UBAP1: variants seen among roughly 807,000 people sequenced by gnomAD.
UBAP1 encodes ubiquitin-associated protein 1.
Under a neutral mutation model 39.0 loss-of-function variants are expected in UBAP1, and 5 were observed. The observed-to-expected ratio is 0.13, with a 90% CI of 0.07 to 0.27. The LOEUF is 0.27. Among genes scored for constraint, UBAP1 ranks in the 10% least tolerant of loss-of-function variants. The pLI, the probability that UBAP1 is intolerant of heterozygous loss-of-function variation, is 1.00. For synonymous variants in UBAP1, 211 were observed against 225.1 expected (o/e 0.94, Z 0.56); for missense variants, 490 against 608.1 (o/e 0.81, Z 2.04).
At chr9:34,246,507 G>A (rs1437092867) in intron 4 of UBAP1, among the ~76,000 whole-genome samples, 6 of 152,222 alleles carry the variant, frequency 3.9e-5, no homozygotes, top group Non-Finnish European at 5.9e-5. Context: ...ACCAGTAAGT[G>A]TAAAGCCAAG....
intron 2 of UBAP1, among the ~76,000 whole-genome samples, chr9:34,221,542 A>G (rs943482039): frequency 2.0e-5 from 3 of 151,500 alleles, no homozygotes; most frequent in South Asian, 2.1e-4. Context: ...AAAAAAAAAA[A>G]AAGGTATAGT....
intron 3 of UBAP1, among the ~76,000 whole-genome samples, chr9:34,235,772 G>C (rs1833668036): frequency 6.6e-6 from 1 of 151,504 alleles, no homozygotes; most frequent in Non-Finnish European, 1.5e-5. Context: ...GCAACTTCCA[G>C]TCCTACAAGC....
chr9:34,241,676 C>T lies in UBAP1; in HGVS notation c.651C>T (p.Ser217=). ...SVLQDEEVLA[S]LERATLDFKP... ...TACAGGATGAGGAGGTCCTGGCATCCTTGGAACGGGCAACCCTAGATTTCA... is the reference window on the plus strand; with the variant it reads ...TACAGGATGAGGAGGTCCTGGCATCTTTGGAACGGGCAACCCTAGATTTCA... Residue 217 remains serine (S), a synonymous_variant, in exon 4 of 7, where the codon TCC becomes TCT. Transcript: ENST00000297661. The T allele has an allele frequency of 1.2e-6, 2 of 1,614,052 alleles. No individual in the cohort carries two copies. Among genetic ancestry groups the T allele is most frequent in the African/African-American group, 1.3e-5 (1 of 75,008 alleles).
At chr9:34,206,424 C>A (rs1312249751) in intron 1 of UBAP1, among the ~76,000 whole-genome samples, 1 of 149,544 alleles carries the variant, frequency 6.7e-6, no homozygotes, top group East Asian at 2.0e-4. Context: ...GTGGGAGGAT[C>A]ACTTGAGCTC....
At chr9:34,226,127 G>GTGTGTGTGTGTGTGTGTT (rs1554650820) in intron 2 of UBAP1, among the ~76,000 whole-genome samples, 1,866 of 137,296 alleles carry the variant, frequency 0.014, 37 homozygotes, top group Non-Finnish European at 0.018. Flanking sequence ...GTGTGTGTGT[G>GTGTGTGTGTGTGTGTGTT]TGTGTGTGTG....
At chr9:34,229,863 C>T (rs913049488) in intron 2 of UBAP1, among the ~76,000 whole-genome samples, 4 of 151,158 alleles carry the variant, frequency 2.6e-5, no homozygotes, top group Admixed American at 2.0e-4. Flanking sequence ...TTAGTAGATA[C>T]GGGGTTTTAC....
chr9:34,251,594 A>G lies in UBAP1; in HGVS notation c.*62A>G, dbSNP rs189150230. 6.4e-7 allele frequency: 1 copy of G among 1,560,680 alleles called. No homozygotes were observed. Among genetic ancestry groups the G allele is most frequent in the African/African-American group, 1.4e-5 (1 of 72,642 alleles). ...ATCCCTGGGAGGCCCTGCAGAGCCCACCTGTGGGGAAAGAGAAGGGGCAGC... is the reference window on the plus strand; with the variant it reads ...ATCCCTGGGAGGCCCTGCAGAGCCCGCCTGTGGGGAAAGAGAAGGGGCAGC... On this transcript the variant is annotated 3_prime_UTR_variant, in exon 7 of 7. Coordinates refer to ENST00000297661, the MANE Select transcript of UBAP1 (RefSeq NM_016525.5).
intron 3 of UBAP1, among the ~76,000 whole-genome samples, chr9:34,237,767 C>G (rs550072905): frequency 6.6e-6 from 1 of 152,138 alleles, no homozygotes; most frequent in African/African-American, 2.4e-5. Context: ...GGGGTTTCAT[C>G]ATGTTGCCCA....
intron 1 of UBAP1, among the ~76,000 whole-genome samples, chr9:34,213,311 G>C (rs961743973): frequency 1.1e-4 from 17 of 152,092 alleles, no homozygotes; most frequent in African/African-American, 4.1e-4. Context: ...AGGAGTTTGA[G>C]ACCAGCCTGG....
At chr9:34,213,905 C>T (rs990505416) in intron 1 of UBAP1, among the ~76,000 whole-genome samples, 1 of 142,558 alleles carries the variant, frequency 7.0e-6, no homozygotes, top group Non-Finnish European at 1.5e-5. Flanking sequence ...AAATAAAAAA[C>T]TCAACCCCTT....
chr9:34,180,930 C>T (rs964533881), intron 1 of UBAP1, among the ~76,000 whole-genome samples: 2 of 149,224 alleles, frequency 1.3e-5, no homozygotes, highest in Admixed American at 1.3e-4. Flanking sequence ...CCTGCCTCAG[C>T]CTCCCGAGTA....
chr9:34,188,444 T>TA (rs1830535517), intron 1 of UBAP1, among the ~76,000 whole-genome samples: 1 of 149,644 alleles, frequency 6.7e-6, no homozygotes, highest in Non-Finnish European at 1.5e-5. Context: ...TTTTTTTTTT[T>TA]TTTAAAGAGA....
chr9:34,231,078 G>A (rs1223385929), intron 2 of UBAP1, among the ~76,000 whole-genome samples: 3 of 150,912 alleles, frequency 2.0e-5, no homozygotes, highest in African/African-American at 7.3e-5. Context: ...AGTGAGCCAT[G>A]ATAGCACCAC....
intron 1 of UBAP1, among the ~76,000 whole-genome samples, chr9:34,202,624 C>CCTCTGTGTGTGTGTGTGTGTGTGT (rs1491103579): frequency 1.8e-4 from 19 of 107,364 alleles, no homozygotes; most frequent in African/African-American, 7.4e-4. Flanking sequence ...TAGACAGAAA[C>CCTCTGTGTGTGTGTGTGTGTGTGT]GTGTGTGTGT....
chr9:34,239,708 A>G (rs911477122), intron 3 of UBAP1, among the ~76,000 whole-genome samples: 11 of 152,118 alleles, frequency 7.2e-5, no homozygotes, highest in African/African-American at 1.4e-4. Flanking sequence ...GCAAGCCTCA[A>G]TTTCTTCATC....
At chr9:34,220,592 C>G (rs569233956) in intron 1 of UBAP1, 1 of 243,764 alleles carries the variant, frequency 4.1e-6, no homozygotes, top group East Asian at 1.1e-4. Context: ...TCACAAAGTA[C>G]TGGGATATAG....
chr9:34,183,750 A>G (rs1830219577), intron 1 of UBAP1, among the ~76,000 whole-genome samples: 1 of 128,212 alleles, frequency 7.8e-6, no homozygotes, highest in South Asian at 2.5e-4. Context: ...ATTTTTCAGA[A>G]TTTCTTTTTT....
intron 3 of UBAP1, among the ~76,000 whole-genome samples, chr9:34,239,317 G>A (rs1016173544): frequency 1.3e-5 from 2 of 152,216 alleles, no homozygotes; most frequent in Non-Finnish European, 2.9e-5. Context: ...AGGAGGCCAA[G>A]CCTGTCTGGC....
intron 1 of UBAP1, among the ~76,000 whole-genome samples, chr9:34,213,003 T>C (rs1423930221): frequency 1.3e-5 from 2 of 152,162 alleles, no homozygotes; most frequent in African/African-American, 4.8e-5. Flanking sequence ...TAATCCACCA[T>C]GATCAAGTGG....
Sources: gnomAD v4.1 joint callset for allele counts (sites outside exome capture counted in the v4.1 genomes callset) on GRCh38, gnomAD v4.1.1 for gene constraint, MANE v1.5 for transcripts, NCBI Gene and HGNC (gene_info 2026-07-23, HGNC 2026-07-21) for gene names.